The following ACOXL variants were observed in gnomAD, a reference collection of about 807,000 sequenced individuals.
ACOXL encodes the protein acyl-coenzyme A oxidase-like protein.
In ACOXL, 70 loss-of-function variants were observed where a neutral mutation model predicts 71.9. The ratio of observed to expected loss-of-function variants is 0.97; its 90% CI spans 0.80 to 1.19. The LOEUF (loss-of-function observed/expected upper bound fraction) is 1.19. Ranked by LOEUF, ACOXL falls within the 50% of genes most tolerant of loss-of-function variation. The pLI, the probability that ACOXL is intolerant of heterozygous loss-of-function variation, is 0.00. For synonymous variants in ACOXL, 253 were observed against 281.6 expected, an observed-to-expected ratio of 0.90 and a Z score of 1.02; for missense variants, 703 against 736.3, an observed-to-expected ratio of 0.95 and a Z score of 0.52.
intron 10 of ACOXL, among the ~76,000 whole-genome samples, chr2:110,863,924 G>T (rs771195002): frequency 2.6e-5 from 4 of 152,144 alleles, no homozygotes; most frequent in Non-Finnish European, 5.9e-5. Context: ...TGACTTGTGG[G>T]TGTGTTTCCC....
At chr2:111,031,808 C>T (rs2065285139) in intron 15 of ACOXL, 94 bp downstream of exon 15, 2 of 1,271,156 alleles carry the variant, frequency 1.6e-6, no homozygotes, top group South Asian at 1.2e-5. Flanking sequence ...ACAGTCCCAA[C>T]ACACAGGGAA....
chr2:111,104,499 G>A (rs1166824681), intron 17 of ACOXL, among the ~76,000 whole-genome samples: 2 of 152,048 alleles, frequency 1.3e-5, no homozygotes, highest in African/African-American at 4.8e-5. Context: ...CACTAGCATT[G>A]GGTGTTGTCA....
rs139353759 is a variant in ACOXL, at chr2:110,995,975, C to T, written c.1252C>T (p.Arg418Trp). 6.5e-4 allele frequency: 1,039 copies of T among 1,591,064 alleles called. 8 individuals are homozygous for T. The African/African-American group carries it at 0.014, about 22-fold the overall frequency. Residue 418 changes from arginine to tryptophan, a missense_variant, in exon 14 of 18, where the codon CGG becomes TGG. Transcript: ENST00000439055. ...AVKFRERVLQRGLVARIYYKV... is the reference protein window; with the variant it reads ...AVKFRERVLQWGLVARIYYKV... ...GAAATTTCGTGAAAGGGTTCTTCAG[C>T]GGGGTTTGGTGGCCAGAATTTATTA... is the stretch of plus-strand genomic sequence containing the variant.
At chr2:110,751,816 T>C (rs1208095687) in intron 1 of ACOXL, among the ~76,000 whole-genome samples, 6 of 152,222 alleles carry the variant, frequency 3.9e-5, no homozygotes, top group African/African-American at 1.4e-4. Flanking sequence ...TTAGAACTTA[T>C]TATCAGAATC....
chr2:110,936,305 A>C (rs1349661677), intron 12 of ACOXL, among the ~76,000 whole-genome samples: 3 of 152,076 alleles, frequency 2.0e-5, no homozygotes, highest in Non-Finnish European at 4.4e-5. Flanking sequence ...TCTCACTGTC[A>C]CCCAAGCTGA....
chr2:111,080,185 A>AT (rs1366038661), intron 16 of ACOXL, among the ~76,000 whole-genome samples: 2 of 140,498 alleles, frequency 1.4e-5, no homozygotes, highest in Non-Finnish European at 3.2e-5. Flanking sequence ...GGATTCATTG[A>AT]TTTTTTGAAG....
chr2:110,922,888 A>G (rs2060131086), intron 11 of ACOXL, among the ~76,000 whole-genome samples: 1 of 152,174 alleles, frequency 6.6e-6, no homozygotes, highest in African/African-American at 2.4e-5. Context: ...ACTTGCCTTC[A>G]CCAGCTGTCA....
At chr2:110,907,505 T>C (rs1392890534) in intron 10 of ACOXL, among the ~76,000 whole-genome samples, 1 of 152,148 alleles carries the variant, frequency 6.6e-6, no homozygotes, top group African/African-American at 2.4e-5. Context: ...CTGACAGCCT[T>C]TTCATTTGGA....
intron 12 of ACOXL, among the ~76,000 whole-genome samples, chr2:110,966,694 T>A (rs3789104): frequency 6.6e-6 from 1 of 152,066 alleles, no homozygotes; most frequent in South Asian, 2.1e-4. Context: ...TTAGCAGGAG[T>A]CAGTAAGCAG....
At position 110,870,111 on chromosome 2, in the gene ACOXL, C is replaced by A. The variant is rs966391632; in HGVS notation, c.788+28706C>A. Among the ~76,000 whole-genome samples, 82 of 152,298 alleles carry A rather than the reference C, an allele frequency of 5.4e-4. 1 individual carries two copies. The highest frequency in any genetic ancestry group is 8.2e-4 in the Non-Finnish European group (56 of 68,024). On this transcript the variant is annotated intron_variant, in intron 10 of 17. Transcript: ENST00000439055. ...GCTGGGGGAAAATTAGGGCTGTTCC[C>A]TTGGTTTTCTGGGTATTTAGGGCTG... is the stretch of plus-strand genomic sequence containing the variant.
At chr2:111,000,472 A>G (rs989595465) in intron 14 of ACOXL, among the ~76,000 whole-genome samples, 3 of 152,188 alleles carry the variant, frequency 2.0e-5, no homozygotes, top group Non-Finnish European at 4.4e-5. Flanking sequence ...CATATGGTCA[A>G]TGTGTTCATT....
At chr2:110,775,777 CT>C (rs1319307732) in intron 2 of ACOXL, among the ~76,000 whole-genome samples, 4 of 152,126 alleles carry the variant, frequency 2.6e-5, no homozygotes, top group African/African-American at 9.7e-5. Flanking sequence ...TATGGAGAAA[CT>C]GGAACCCATG....
Position 110,799,022 on chromosome 2 carries a change from T to A in ACOXL, c.469T>A (p.Cys157Ser). ...IIDGRSQGPH[C>S]FIVPVRDENG... ...CTCGATGCCTTCCTTAGGGCCCCACTGTTTCATCGTTCCTGTCCGGGATGA... is the reference window on the plus strand; with the variant it reads ...CTCGATGCCTTCCTTAGGGCCCCACAGTTTCATCGTTCCTGTCCGGGATGA... The change falls in exon 7 of 18, where the codon TGT becomes AGT. Residue 157 changes from cysteine (C) to serine (S), a missense_variant. By Grantham distance (112) the Cys-to-Ser change is moderately radical. Transcript: ENST00000439055. 1 of 1,614,022 alleles carries A rather than the reference T, an allele frequency of 6.2e-7. No individual in the cohort carries two copies. Among genetic ancestry groups the A allele is most frequent in the South Asian group, 1.1e-5 (1 of 91,070 alleles).
At chr2:110,917,092 G>A (rs2059889306) in intron 11 of ACOXL, among the ~76,000 whole-genome samples, 1 of 152,156 alleles carries the variant, frequency 6.6e-6, no homozygotes, top group South Asian at 2.1e-4. Context: ...AAACTTAGCA[G>A]AGACACAACA....
At chr2:110,814,317 G>A (rs1299924278) in intron 9 of ACOXL, among the ~76,000 whole-genome samples, 2 of 152,246 alleles carry the variant, frequency 1.3e-5, no homozygotes, top group Non-Finnish European at 2.9e-5. Context: ...TTGTGTCCTG[G>A]GATCAGGAGT....
intron 10 of ACOXL, among the ~76,000 whole-genome samples, chr2:110,869,850 G>A (rs968197856): frequency 1.3e-5 from 2 of 152,216 alleles, no homozygotes; most frequent in African/African-American, 4.8e-5. Flanking sequence ...GCCCCTTCCT[G>A]TGTGAACCTA....
Position 111,022,817 on chromosome 2 carries a change from A to T in ACOXL, c.1282-8810A>T, listed in dbSNP as rs569284263. ...GGTGACCACGCTGGAAGCCCAGGCC[A>T]CTGGCGACACTTACTACAGAAAGGA... On this transcript the variant is annotated intron_variant, in intron 14 of 17. Coordinates refer to ENST00000439055, the MANE Select transcript of ACOXL (RefSeq NM_001142807.4). Among the ~76,000 whole-genome samples the T allele has an allele frequency of 2.6e-5, 4 of 152,288 alleles. No homozygotes were observed. The East Asian group carries it at 7.7e-4, about 29-fold the overall frequency.
intron 9 of ACOXL, among the ~76,000 whole-genome samples, chr2:110,837,996 G>A (rs2105717274): frequency 6.6e-6 from 1 of 152,312 alleles, no homozygotes; most frequent in South Asian, 2.1e-4. Context: ...GCTGAGACCA[G>A]CAACAAAGGG....
At chr2:110,882,291 C>A (rs1558668145) in intron 10 of ACOXL, among the ~76,000 whole-genome samples, 1 of 152,098 alleles carries the variant, frequency 6.6e-6, no homozygotes, top group Admixed American at 6.6e-5. Context: ...CTGTTCAAAT[C>A]TTTCACCATT....
Sources: gnomAD v4.1 joint callset for allele counts (sites outside exome capture counted in the v4.1 genomes callset) on GRCh38, gnomAD v4.1.1 for gene constraint, MANE v1.5 for transcripts, NCBI Gene and HGNC (gene_info 2026-07-23, HGNC 2026-07-21) for gene names.